Variants in EPHB2 observed in about 807,000 individuals in gnomAD.
The protein encoded by EPHB2 is ephrin type-B receptor 2.
In EPHB2, 18 loss-of-function variants were observed where a neutral mutation model predicts 96.4. The ratio of observed to expected loss-of-function variants is 0.19; its 90% CI spans 0.13 to 0.28. The LOEUF (loss-of-function observed/expected upper bound fraction) is 0.28. Ranked by LOEUF, EPHB2 falls within the 10% of genes least tolerant of loss-of-function variation. EPHB2 has a pLI of 1.00. For synonymous variants in EPHB2, 506 were observed against 534.1 expected (o/e 0.95, Z 0.72); for missense variants, 989 against 1,355.4 (o/e 0.73, Z 4.25).
At chr1:22,747,415 G>A (rs891304809) in intron 1 of EPHB2, among the ~76,000 whole-genome samples, 5 of 152,198 alleles carry the variant, frequency 3.3e-5, no homozygotes, top group Admixed American at 6.5e-5. Flanking sequence ...TCAAAATCAA[G>A]GTCTGTTGAT....
At chr1:22,878,671 G>A (rs1201145928) in intron 5 of EPHB2, among the ~76,000 whole-genome samples, 1 of 152,250 alleles carries the variant, frequency 6.6e-6, no homozygotes, top group African/African-American at 2.4e-5. Context: ...CTGAGGCTCA[G>A]CAAGGCTAAA....
At chr1:22,714,982 G>A (rs1269815425) in intron 1 of EPHB2, among the ~76,000 whole-genome samples, 11 of 152,148 alleles carry the variant, frequency 7.2e-5, no homozygotes, top group Non-Finnish European at 1.5e-5. Flanking sequence ...GACTTGTTTG[G>A]CATCTGCCTT....
intron 2 of EPHB2, 36 bp downstream of exon 2, chr1:22,781,521 CA>C: frequency 6.2e-7 from 1 of 1,608,366 alleles, no homozygotes; most frequent in Non-Finnish European, 8.5e-7. Context: ...CATTGGTCCC[CA>C]GGATCCCTCA....
Position 22,892,748 on chromosome 1 carries a change from G to C in EPHB2, c.1429-136G>C. The C allele has an allele frequency of 3.7e-6, 4 of 1,088,182 alleles. No homozygotes were observed. The South Asian group carries it at 5.0e-5, about 14-fold the overall frequency. 67.4% of individuals were successfully genotyped at this position (1,088,182 alleles called of 1,614,324 possible). A position where few individuals can be genotyped will look rare whatever the true frequency, so the allele number is the denominator to read the frequency against. On this transcript the variant is annotated intron_variant, in intron 6 of 15. Coordinates refer to ENST00000374630, the MANE Select transcript of EPHB2 (RefSeq NM_017449.5). ...GCAAAAGGCATAATTCTATTAAAGG[G>C]AGGGGATGAAGAATTGGGAACCATA...
At chr1:22,765,946 T>C (rs1644302470) in intron 1 of EPHB2, among the ~76,000 whole-genome samples, 1 of 152,146 alleles carries the variant, frequency 6.6e-6, no homozygotes, top group Admixed American at 6.5e-5. Context: ...GCATGTGTCT[T>C]CCCTGCTCCT....
At chr1:22,785,908 C>G (rs1469679731) in intron 3 of EPHB2, among the ~76,000 whole-genome samples, 1 of 152,220 alleles carries the variant, frequency 6.6e-6, no homozygotes, top group African/African-American at 2.4e-5. Flanking sequence ...AGCTGAGGCT[C>G]AGAGAGCTTA....
Position 22,906,260 on chromosome 1 carries a change from A to C in EPHB2, c.1888+151A>C. ...GAAGGTTCAGAATGACCATGAAAGA[A>C]GGGCCCTCAAAGGTCATCCAGTAAA... On this transcript the variant is annotated intron_variant, in intron 10 of 15. Coordinates refer to ENST00000374630, the MANE Select transcript of EPHB2 (RefSeq NM_017449.5). The surrounding 1 kb of genome is among the most constrained non-coding windows in gnomAD (Gnocchi z 4.8). 4 of 1,280,120 alleles carry C rather than the reference A, an allele frequency of 3.1e-6. No homozygotes were observed. Among genetic ancestry groups the C allele is most frequent in the Non-Finnish European group, 3.3e-6 (3 of 917,340 alleles). The allele number at this position is 1,280,120 out of a possible 1,614,324, so 79.3% of individuals were successfully genotyped here.
Position 22,865,085 on chromosome 1 carries a change from C to G in EPHB2, c.1176C>G (p.Arg392=). 1 of 1,614,232 alleles carries G rather than the reference C, an allele frequency of 6.2e-7. No individual in the cohort carries two copies. The change falls in exon 5 of 16, where the codon CGC becomes CGG. Residue 392 remains arginine, a synonymous_variant. Transcript: ENST00000374630. ...GCCAGCTAGGCCTGACCGAGCCACGCATTTACATCAGTGACCTGCTGGCCC... is the reference window on the plus strand; with the variant it reads ...GCCAGCTAGGCCTGACCGAGCCACGGATTTACATCAGTGACCTGCTGGCCC... ...APRQLGLTEP[R]IYISDLLAHT...
intron 3 of EPHB2, among the ~76,000 whole-genome samples, chr1:22,803,743 G>GTATA (rs373288421): frequency 1.5e-4 from 22 of 144,396 alleles, no homozygotes; most frequent in East Asian, 4.0e-4. Context: ...GTGTGTGTGT[G>GTATA]TATATATATA....
rs1640313728 is a variant in EPHB2, at chr1:22,918,082, A to C, written c.*4512A>C. On this transcript the variant is annotated 3_prime_UTR_variant, in exon 16 of 16. Transcript: ENST00000374630. This position sits in a 1 kb window ranked among gnomAD's most constrained non-coding sequence, Gnocchi z 4.2. Reference sequence around the variant, plus strand: ...TGAGCAGGAGGGTAGCATAGTGAGCATCAGGTTCTAGGAAGAAGCACCAGT... The same window carrying C: ...TGAGCAGGAGGGTAGCATAGTGAGCCTCAGGTTCTAGGAAGAAGCACCAGT... 6.6e-6 allele frequency: 1 copy of C among 152,254 alleles called. No individual in the cohort carries two copies. The highest frequency in any genetic ancestry group is 2.1e-4 in the South Asian group (1 of 4,810). The allele number at this position is 152,254 out of a possible 1,614,324, so 9.4% of individuals were successfully genotyped here.
At chr1:22,879,823 A>G (rs1297148803) in intron 5 of EPHB2, among the ~76,000 whole-genome samples, 1 of 152,232 alleles carries the variant, frequency 6.6e-6, no homozygotes, top group Non-Finnish European at 1.5e-5. Flanking sequence ...CCCTGATCCC[A>G]AGAGGCCAAT....
intron 3 of EPHB2, among the ~76,000 whole-genome samples, chr1:22,802,792 ACT>A (rs1379868654): frequency 6.6e-6 from 1 of 152,048 alleles, no homozygotes; most frequent in East Asian, 1.9e-4. Flanking sequence ...ATATGGTCTG[ACT>A]CTCAGCTCAC....
At chr1:22,814,974 C>T (rs4654817) in intron 3 of EPHB2, among the ~76,000 whole-genome samples, 29,449 of 152,264 alleles carry the variant, frequency 0.19, 2,923 homozygotes, top group South Asian at 0.32. Context: ...TGGAACCAGT[C>T]GCCCTCTATG....
chr1:22,908,288 T>A, intron 12 of EPHB2, 120 bp downstream of exon 12: 2 of 1,233,604 alleles, frequency 1.6e-6, no homozygotes, highest in Non-Finnish European at 2.3e-6. Flanking sequence ...TCCTGGGCCC[T>A]GGAGACAGGA....
intron 1 of EPHB2, among the ~76,000 whole-genome samples, chr1:22,773,124 C>T (rs980156552): frequency 6.6e-6 from 1 of 152,180 alleles, no homozygotes; most frequent in African/African-American, 2.4e-5. Flanking sequence ...CCTTTGGCTC[C>T]CAATGCCTCC....
intron 14 of EPHB2, among the ~76,000 whole-genome samples, chr1:22,911,579 G>A (rs915990929): frequency 6.6e-6 from 1 of 152,186 alleles, no homozygotes; most frequent in Admixed American, 6.5e-5. Context: ...GCCTCCCAGG[G>A]CAGGCTCCAT....
chr1:22,911,194 C>A (rs953668759), intron 14 of EPHB2, among the ~76,000 whole-genome samples: 1 of 134,420 alleles, frequency 7.4e-6, no homozygotes, highest in Non-Finnish European at 1.6e-5. Context: ...ACCAAAGGAT[C>A]CAGAATCTTA....
chr1:22,746,819 C>T (rs1264122832), intron 1 of EPHB2, among the ~76,000 whole-genome samples: 1 of 152,116 alleles, frequency 6.6e-6, no homozygotes. Flanking sequence ...ATTCAGACCC[C>T]GCTCTGAGGC....
intron 3 of EPHB2, among the ~76,000 whole-genome samples, chr1:22,804,082 G>A (rs905743935): frequency 6.6e-6 from 1 of 152,196 alleles, no homozygotes; most frequent in African/African-American, 2.4e-5. Flanking sequence ...GAGAAAACAG[G>A]TTCCAAGAGG....
Sources: gnomAD v4.1 joint callset for allele counts (sites outside exome capture counted in the v4.1 genomes callset) on GRCh38, gnomAD v4.1.1 for gene constraint, Gnocchi (gnomAD v3.1) non-coding constraint, MANE v1.5 for transcripts, NCBI Gene and HGNC (gene_info 2026-07-23, HGNC 2026-07-21) for gene names.